The following VIPR1 variants were observed in gnomAD, a reference collection of about 807,000 sequenced individuals.
VIPR1 encodes vasoactive intestinal peptide receptor 1, also known as vasoactive intestinal polypeptide receptor 1.
Under a neutral mutation model 58.8 loss-of-function variants are expected in VIPR1, and 59 were observed. The ratio of observed to expected loss-of-function variants is 1.00; its 90% CI spans 0.81 to 1.25. VIPR1 has a LOEUF of 1.25. Among genes scored for constraint, VIPR1 ranks in the 50% most tolerant of loss-of-function variants. The pLI, the probability that VIPR1 is intolerant of heterozygous loss-of-function variation, is 0.00. For missense variants in VIPR1, 626 were observed against 602.7 expected (o/e 1.04, Z -0.40); for synonymous variants, 251 against 242.1 (o/e 1.04, Z -0.34).
In VIPR1 at chr3:42,532,295, GC is replaced by G; in HGVS notation, c.977del (p.Pro326GlnfsTer14). ...TCCGAATCCTGCTTCAGAAACTGCGGCCCCCAGATATCAGGAAGAGTGACAG... is the reference window on the plus strand; with the variant it reads ...TCCGAATCCTGCTTCAGAAACTGCGGCCCCAGATATCAGGAAGAGTGACAG... ...IIRILLQKLR[P>X]PDIRKSDSSP... On this transcript the variant is annotated frameshift_variant, in exon 10 of 13. Transcript: ENST00000325123. LOFTEE classifies it high-confidence loss of function. The G allele has an allele frequency of 6.2e-7, 1 of 1,614,070 alleles. No individual in the cohort carries two copies. The highest frequency in any genetic ancestry group is 8.5e-7 in the Non-Finnish European group (1 of 1,180,016).
intron 5 of VIPR1, 104 bp downstream of exon 5, chr3:42,527,600 G>T: frequency 1.8e-6 from 2 of 1,094,664 alleles, no homozygotes; most frequent in Admixed American, 1.9e-5. Flanking sequence ...CTCCACTGTT[G>T]CCCCCCAGCA....
rs571470806 is a variant in VIPR1, at chr3:42,514,358, C to T, written c.184+504C>T. ...CACATTCAGTCACAATATGTGACCC[C>T]CACAGGGACCACATGGAAGCTCAAA... On this transcript the variant is annotated intron_variant, in intron 2 of 12. Transcript: ENST00000325123. 2.0e-5 allele frequency among the ~76,000 whole-genome samples: 3 copies of T among 152,162 alleles called. No homozygotes were observed. The South Asian group carries it at 6.2e-4, about 32-fold the overall frequency.
At chr3:42,499,502 T>C (rs541692748), upstream of VIPR1, among the ~76,000 whole-genome samples, 664 of 152,220 alleles carry the variant, frequency 4.4e-3, 5 homozygotes, top group Non-Finnish European at 7.8e-3. Flanking sequence ...GATTCTGACA[T>C]CCAGAAGGGA....
chr3:42,526,603 C>T (rs886348866), intron 4 of VIPR1, among the ~76,000 whole-genome samples: 1 of 152,178 alleles, frequency 6.6e-6, no homozygotes, highest in Non-Finnish European at 1.5e-5. Context: ...CTCAGGCGCC[C>T]TTCTCAGACC....
chr3:42,502,910 T>G (rs904754223), intron 1 of VIPR1, 97 bp downstream of exon 1: 4 of 990,854 alleles, frequency 4.0e-6, no homozygotes, highest in Admixed American at 8.7e-5. Flanking sequence ...TCTGTGCGCG[T>G]GTCTGTGTAA....
intron 2 of VIPR1, among the ~76,000 whole-genome samples, chr3:42,518,625 G>A (rs541637576): frequency 2.0e-5 from 3 of 152,360 alleles, no homozygotes; most frequent in Admixed American, 2.0e-4. Context: ...TATAGTCCCA[G>A]CTACTCGGGA....
chr3:42,522,099 ATATTTTTT>A (rs1397277542), intron 3 of VIPR1, among the ~76,000 whole-genome samples: 47 of 55,562 alleles, frequency 8.5e-4, no homozygotes, highest in African/African-American at 4.4e-3. Flanking sequence ...ATATATATAT[ATATTTTTT>A]TTTTTTTTTT....
In VIPR1 at chr3:42,528,080, C is replaced by A; in HGVS notation, c.593C>A (p.Ala198Asp). The change falls in exon 6 of 13, where the codon GCC becomes GAC. Residue 198 changes from alanine (A) to aspartate (D), a missense_variant. By Grantham distance (126) the Ala-to-Asp change is moderately radical. Coordinates refer to ENST00000325123, the MANE Select transcript of VIPR1 (RefSeq NM_004624.4). ...GCCGCTGTCTTCATCAAAGACTTGG[C>A]CCTCTTCGACAGCGGGGAGTCGGAC... is the stretch of plus-strand genomic sequence containing the variant. Reference protein sequence around the residue: ...RAAAVFIKDLALFDSGESDQC... With the variant: ...RAAAVFIKDLDLFDSGESDQC... 6.2e-7 allele frequency: 1 copy of A among 1,614,042 alleles called. No homozygotes were observed. Among genetic ancestry groups the A allele is most frequent in the Non-Finnish European group, 8.5e-7 (1 of 1,179,954 alleles).
Position 42,513,832 on chromosome 3 carries a change from C to G in VIPR1, c.162C>G (p.Ala54=). 6.4e-7 allele frequency: 1 copy of G among 1,551,568 alleles called. No homozygotes were observed. The highest frequency in any genetic ancestry group is 2.4e-5 in the East Asian group (1 of 40,912). The change falls in exon 2 of 13, where the codon GCC becomes GCG. Residue 54 remains alanine, a synonymous_variant. Coordinates refer to ENST00000325123, the MANE Select transcript of VIPR1 (RefSeq NM_004624.4). ...AGCACAAGCAGTGCCTGGAGGAGGCCCAGCTGGAGAATGAGACAATAGGTG... is the reference window on the plus strand; with the variant it reads ...AGCACAAGCAGTGCCTGGAGGAGGCGCAGCTGGAGAATGAGACAATAGGTG... ...EVQHKQCLEE[A]QLENETIGCS...
intron 1 of VIPR1, among the ~76,000 whole-genome samples, chr3:42,508,567 A>C (rs1196294772): frequency 6.6e-6 from 1 of 152,210 alleles, no homozygotes; most frequent in Non-Finnish European, 1.5e-5. Context: ...CCCAGGTCAA[A>C]CTATTATACA....
chr3:42,497,316 T>C (rs1213308239), intron 1 of VIPR1, among the ~76,000 whole-genome samples: 1 of 152,170 alleles, frequency 6.6e-6, no homozygotes, highest in African/African-American at 2.4e-5. Context: ...ACCTTGTCCC[T>C]AACTCTACTT....
chr3:42,531,203 G>A, intron 7 of VIPR1: 1 of 609,788 alleles, frequency 1.6e-6, no homozygotes, highest in Non-Finnish European at 2.9e-6. Flanking sequence ...AATACACAGG[G>A]CCACTGCTAA....
At chr3:42,504,584 G>A (rs1255423180) in intron 1 of VIPR1, among the ~76,000 whole-genome samples, 1 of 152,002 alleles carries the variant, frequency 6.6e-6, no homozygotes, top group Non-Finnish European at 1.5e-5. Flanking sequence ...TTACAGCCCA[G>A]TGCAGGGGCT....
upstream of VIPR1, chr3:42,501,773 C>G (rs559672278): frequency 5.2e-4 from 79 of 152,624 alleles, no homozygotes; most frequent in African/African-American, 1.9e-3. The surrounding 1 kb of genome is among the most constrained non-coding windows in gnomAD (Gnocchi z 4.8). Context: ...AGGAGGACGA[C>G]GTCTGTGGAT....
chr3:42,531,435 C>T (rs1403414248), intron 7 of VIPR1, 36 bp from the exon 8 acceptor site: 2 of 1,555,710 alleles, frequency 1.3e-6, no homozygotes, highest in Non-Finnish European at 1.7e-6. Flanking sequence ...GCTTCCTGTG[C>T]CCTCTCTGCT....
chr3:42,526,822 G>A (rs1276403336), intron 4 of VIPR1, among the ~76,000 whole-genome samples: 2 of 152,130 alleles, frequency 1.3e-5, no homozygotes, highest in African/African-American at 4.8e-5. Flanking sequence ...GGGACCAAGC[G>A]AGACACCCTC....
intron 1 of VIPR1, among the ~76,000 whole-genome samples, chr3:42,495,664 C>G (rs754291247): frequency 6.6e-6 from 1 of 152,054 alleles, no homozygotes. Context: ...AGCAGATACT[C>G]TCTTGCTGGC....
At chr3:42,525,020 A>C (rs1396209736) in intron 3 of VIPR1, among the ~76,000 whole-genome samples, 1 of 152,188 alleles carries the variant, frequency 6.6e-6, no homozygotes, top group East Asian at 1.9e-4. Context: ...GATGCTGCTG[A>C]TGCTGCTCAT....
At chr3:42,522,905 G>A (rs772292538) in intron 3 of VIPR1, among the ~76,000 whole-genome samples, 44 of 152,180 alleles carry the variant, frequency 2.9e-4, no homozygotes, top group Non-Finnish European at 5.7e-4. Context: ...GTGAGTGGGA[G>A]GAGACTGGAA....
Sources: gnomAD v4.1 joint callset for allele counts (sites outside exome capture counted in the v4.1 genomes callset) on GRCh38, gnomAD v4.1.1 for gene constraint, Gnocchi (gnomAD v3.1) non-coding constraint, MANE v1.5 for transcripts, NCBI Gene and HGNC (gene_info 2026-07-23, HGNC 2026-07-21) for gene names.